Variants in SLC1A2 observed in about 807,000 individuals in gnomAD.
SLC1A2 encodes solute carrier family 1 member 2.
In SLC1A2, 15 loss-of-function variants were observed where a neutral mutation model predicts 48.8. That is an observed-to-expected ratio of 0.31 (90% confidence interval 0.21 to 0.47). The LOEUF (loss-of-function observed/expected upper bound fraction) is 0.47, where lower values mean the gene tolerates loss of function less well. SLC1A2 is among the 20% of genes least tolerant of loss of function. The pLI, the probability that SLC1A2 is intolerant of heterozygous loss-of-function variation, is 0.99. For missense variants in SLC1A2, 502 were observed against 730.5 expected (o/e 0.69, Z 3.61); for synonymous variants, 279 against 272.6 (o/e 1.02, Z -0.23).
intron 9 of SLC1A2, among the ~76,000 whole-genome samples, chr11:35,266,453 A>C (rs1395525134): frequency 1.3e-5 from 2 of 152,354 alleles, no homozygotes; most frequent in East Asian, 3.9e-4. Flanking sequence ...TAAATCTTCC[A>C]GAATGTTTCT....
intron 10 of SLC1A2, 61 bp downstream of exon 10, chr11:35,265,466 T>TTTAAAG: frequency 1.2e-6 from 1 of 850,504 alleles, no homozygotes; most frequent in Non-Finnish European, 1.9e-6. Context: ...TTTTTTTTTT[T>TTTAAAG]AAAGAAATCA....
At chr11:35,284,642 A>T (rs1170579490) in intron 8 of SLC1A2, among the ~76,000 whole-genome samples, 2 of 152,044 alleles carry the variant, frequency 1.3e-5, no homozygotes, top group Non-Finnish European at 2.9e-5. Context: ...TGCATATGGG[A>T]TATTCACTAA....
At chr11:35,378,529 T>C (rs116295152) in intron 1 of SLC1A2, among the ~76,000 whole-genome samples, 4,653 of 152,328 alleles carry the variant, frequency 0.031, 223 homozygotes, top group African/African-American at 0.11. Flanking sequence ...GCAATTTGTG[T>C]CTTTAGGAAT....
rs143475850 is a variant in SLC1A2 at position 35,315,174 on chromosome 11, A to T, written c.159T>A (p.Gly53=). The T allele has an allele frequency of 1.4e-5, 22 of 1,612,876 alleles. No individual in the cohort carries two copies. Among genetic ancestry groups the T allele is most frequent in the Non-Finnish European group, 1.8e-5 (21 of 1,179,248 alleles). ...KNLLLTLTVF[G]VILGAVCGGL... The stretch of plus-strand genomic sequence containing the variant: ...CTCCACACACTGCTCCCAGGATGAC[A>T]CCTAAAAGGAAGGGGAAAACAATAT... Residue 53 remains glycine, a splice_region_variant and synonymous_variant, in exon 3 of 11, where the codon GGT becomes GGA. Transcript: ENST00000278379.
At chr11:35,294,310 G>T (rs1394059230) in intron 6 of SLC1A2, among the ~76,000 whole-genome samples, 1 of 152,152 alleles carries the variant, frequency 6.6e-6, no homozygotes, top group South Asian at 2.1e-4. Flanking sequence ...TAGCCTGAAG[G>T]TCCTACTTTT....
At chr11:35,276,275 C>T (rs918031305) in intron 9 of SLC1A2, among the ~76,000 whole-genome samples, 3 of 152,108 alleles carry the variant, frequency 2.0e-5, no homozygotes, top group Non-Finnish European at 2.9e-5. Context: ...AGACTGAGGG[C>T]TCCTGCCTCT....
At chr11:35,270,585 G>A (rs766428552) in intron 9 of SLC1A2, among the ~76,000 whole-genome samples, 12 of 152,138 alleles carry the variant, frequency 7.9e-5, no homozygotes, top group Admixed American at 2.6e-4. Flanking sequence ...AAGAACCCAC[G>A]TACTGTTTAT....
At chr11:35,362,348 G>T (rs753505672) in intron 1 of SLC1A2, among the ~76,000 whole-genome samples, 2 of 152,312 alleles carry the variant, frequency 1.3e-5, no homozygotes, top group Middle Eastern at 3.4e-3. Context: ...TCTGAGAGAG[G>T]ACTGTTCTTC....
chr11:35,338,224 T>C (rs919834403), intron 1 of SLC1A2, among the ~76,000 whole-genome samples: 2 of 152,208 alleles, frequency 1.3e-5, no homozygotes, highest in Non-Finnish European at 2.9e-5. Flanking sequence ...GTTGAGTAAT[T>C]GCAACAGAAA....
intron 1 of SLC1A2, among the ~76,000 whole-genome samples, chr11:35,331,685 T>C (rs1178801469): frequency 6.6e-6 from 1 of 152,216 alleles, no homozygotes; most frequent in Non-Finnish European, 1.5e-5. Context: ...ACCTTTTCCA[T>C]ACACAGATGC....
intron 1 of SLC1A2, among the ~76,000 whole-genome samples, chr11:35,406,583 G>A (rs1274259866): frequency 6.6e-6 from 1 of 152,088 alleles, no homozygotes; most frequent in African/African-American, 2.4e-5. Flanking sequence ...AAGACCATGG[G>A]ATATCTGAGG....
chr11:35,418,340 C>T (rs1164963918), intron 1 of SLC1A2: 1 of 152,424 alleles, frequency 6.6e-6, no homozygotes, highest in Non-Finnish European at 1.5e-5. Context: ...TGCCCTTGTC[C>T]CAAACCACAC....
chr11:35,278,974 G>A (rs1047740190), intron 9 of SLC1A2, among the ~76,000 whole-genome samples: 6 of 152,114 alleles, frequency 3.9e-5, no homozygotes, highest in South Asian at 4.1e-4. Flanking sequence ...AGCCAAGATC[G>A]CACCACTGCA....
intron 1 of SLC1A2, chr11:35,322,624 G>T: frequency 6.5e-7 from 1 of 1,535,182 alleles, no homozygotes; most frequent in Non-Finnish European, 8.7e-7. Flanking sequence ...ATCTGGAGAG[G>T]TACTGGGGAG....
At chr11:35,382,069 G>T (rs1854441015) in intron 1 of SLC1A2, among the ~76,000 whole-genome samples, 1 of 152,214 alleles carries the variant, frequency 6.6e-6, no homozygotes, top group South Asian at 2.1e-4. Flanking sequence ...TTTTACAGAT[G>T]AAGATACTGA....
chr11:35,419,194 T>C lies in SLC1A2; in HGVS notation c.-228A>G, dbSNP rs962184748. ...GCTCTCCACGGCGCGCGACCCGCGC[T>C]CCCCTCCGCCCGCGGGGATGGCGCT... On this transcript the variant is annotated 5_prime_UTR_variant, in exon 1 of 11. Transcript: ENST00000278379. The surrounding 1 kb of genome is among the most constrained non-coding windows in gnomAD (Gnocchi z 5.4). 2 of 444,542 alleles carry C rather than the reference T, an allele frequency of 4.5e-6. No individual in the cohort carries two copies. Among genetic ancestry groups the C allele is most frequent in the Non-Finnish European group, 7.9e-6 (2 of 252,958 alleles). 27.5% of individuals were successfully genotyped at this position (444,542 alleles called of 1,614,324 possible).
chr11:35,284,099 A>ATG (rs1156446009), intron 8 of SLC1A2, among the ~76,000 whole-genome samples: 1 of 142,468 alleles, frequency 7.0e-6, no homozygotes, highest in Non-Finnish European at 1.5e-5. Flanking sequence ...ATATATATAT[A>ATG]TATATATATA....
At chr11:35,337,899 C>A (rs374438096) in intron 1 of SLC1A2, among the ~76,000 whole-genome samples, 1 of 152,148 alleles carries the variant, frequency 6.6e-6, no homozygotes, top group Non-Finnish European at 1.5e-5. Context: ...TTCATCATAT[C>A]TCATTATCTA....
intron 6 of SLC1A2, among the ~76,000 whole-genome samples, chr11:35,293,784 C>T (rs753870551): frequency 2.6e-5 from 4 of 152,058 alleles, no homozygotes; most frequent in Non-Finnish European, 4.4e-5. Flanking sequence ...CAAACACTTT[C>T]CTGGATTAAA....
Sources: allele counts gnomAD v4.1 joint callset (sites outside exome capture counted in the v4.1 genomes callset), GRCh38; gene constraint gnomAD v4.1.1; non-coding constraint Gnocchi (gnomAD v3.1); transcripts MANE v1.5; gene names NCBI Gene and HGNC (gene_info 2026-07-23, HGNC 2026-07-21).